The following CSMD1 variants were observed in gnomAD, a reference collection of about 807,000 sequenced individuals.
The protein encoded by CSMD1 is CUB and Sushi multiple domains 1.
In CSMD1, 213 loss-of-function variants were observed where a neutral mutation model predicts 417.5. The observed-to-expected ratio is 0.51, with a 90% CI of 0.46 to 0.57. The LOEUF (loss-of-function observed/expected upper bound fraction) is 0.57, where lower values mean the gene tolerates loss of function less well. CSMD1 is among the 20% of genes least tolerant of loss of function. CSMD1 has a pLI of 0.00. For synonymous variants in CSMD1, 2,862 were observed against 1,736.8 expected (o/e 1.65, Z -16.11); for missense variants, 6,923 against 4,529.7 (o/e 1.53, Z -15.17).
chr8:3,822,597 T>C (rs1171643904), intron 5 of CSMD1, among the ~76,000 whole-genome samples: 1 of 152,188 alleles, frequency 6.6e-6, no homozygotes, highest in Non-Finnish European at 1.5e-5. Context: ...AACTTTTTTC[T>C]CTGGGCACCA....
intron 1 of CSMD1, among the ~76,000 whole-genome samples, chr8:4,722,995 G>A (rs1189832044): frequency 6.6e-6 from 1 of 151,992 alleles, no homozygotes; most frequent in East Asian, 1.9e-4. Flanking sequence ...CTTTACTTGT[G>A]GCATTACAAG....
intron 3 of CSMD1, among the ~76,000 whole-genome samples, chr8:4,250,895 C>G (rs945019143): frequency 6.6e-6 from 1 of 152,138 alleles, no homozygotes; most frequent in East Asian, 1.9e-4. Context: ...GAAAAGAGCA[C>G]CTCTTAAACA....
chr8:4,545,842 C>T lies in CSMD1; in HGVS notation c.302+91500G>A, dbSNP rs117488156. Among the ~76,000 whole-genome samples the T allele has an allele frequency of 1.2e-3, 186 of 152,276 alleles. 9 individuals carry two copies. In the East Asian group the frequency reaches 0.031, roughly 25 times the overall value. On this transcript the variant is annotated intron_variant, in intron 2 of 69. Coordinates refer to ENST00000635120, the MANE Select transcript of CSMD1 (RefSeq NM_033225.6). ...ATCTAGGCCACACAGGAGACAGTTT[C>T]TAGGAAGATCATTTCATCAGGTGTC...
intron 5 of CSMD1, among the ~76,000 whole-genome samples, chr8:3,825,897 A>G (rs190454375): frequency 6.8e-4 from 103 of 152,350 alleles, no homozygotes; most frequent in Middle Eastern, 6.8e-3. Context: ...AGGTATCATG[A>G]CAAAATCAGA....
chr8:4,781,707 T>A (rs1227680418), intron 1 of CSMD1, among the ~76,000 whole-genome samples: 1 of 152,196 alleles, frequency 6.6e-6, no homozygotes, highest in Non-Finnish European at 1.5e-5. Flanking sequence ...GGAGTATATA[T>A]GCACATTTCT....
intron 3 of CSMD1, among the ~76,000 whole-genome samples, chr8:4,186,729 G>A (rs1379111378): frequency 1.3e-5 from 2 of 151,746 alleles, no homozygotes; most frequent in Admixed American, 6.6e-5. Context: ...GCTCACACCT[G>A]TAATCCCAGC....
chr8:3,609,021 G>A (rs985934742), intron 8 of CSMD1, among the ~76,000 whole-genome samples: 3 of 152,076 alleles, frequency 2.0e-5, no homozygotes, highest in Non-Finnish European at 4.4e-5. Context: ...CCTTTCCAGC[G>A]GTCCTGCATA....
chr8:4,188,916 G>T (rs1380626535), intron 3 of CSMD1, among the ~76,000 whole-genome samples: 2 of 152,066 alleles, frequency 1.3e-5, no homozygotes, highest in African/African-American at 2.4e-5. Context: ...TGGCATAGCT[G>T]CTGGGTTTCT....
chr8:4,308,017 G>A (rs574314556), intron 3 of CSMD1, among the ~76,000 whole-genome samples: 4 of 152,242 alleles, frequency 2.6e-5, no homozygotes, highest in South Asian at 2.1e-4. Flanking sequence ...GTGATGGTGG[G>A]CATACTACAG....
chr8:4,149,199 G>C (rs1275221909), intron 3 of CSMD1, among the ~76,000 whole-genome samples: 1 of 152,022 alleles, frequency 6.6e-6, no homozygotes, highest in Non-Finnish European at 1.5e-5. Flanking sequence ...CCTGACCTCA[G>C]GTGATCCGTC....
At chr8:4,780,683 C>T (rs970179814) in intron 1 of CSMD1, among the ~76,000 whole-genome samples, 1 of 152,158 alleles carries the variant, frequency 6.6e-6, no homozygotes, top group Admixed American at 6.5e-5. Context: ...GTGGTATACA[C>T]TGCACCATGT....
At chr8:2,987,992 T>C (rs1465828547) in intron 54 of CSMD1, among the ~76,000 whole-genome samples, 1 of 152,222 alleles carries the variant, frequency 6.6e-6, no homozygotes, top group Non-Finnish European at 1.5e-5. Context: ...ACCCATCACC[T>C]AGGTATTAAG....
At chr8:3,974,765 T>A (rs2130118506) in intron 5 of CSMD1, among the ~76,000 whole-genome samples, 1 of 152,256 alleles carries the variant, frequency 6.6e-6, no homozygotes, top group East Asian at 1.9e-4. Flanking sequence ...CGGAATTCTT[T>A]ACAGTTATTG....
chr8:3,839,105 A>G (rs1419343772), intron 5 of CSMD1, among the ~76,000 whole-genome samples: 1 of 63,872 alleles, frequency 1.6e-5, no homozygotes, highest in Non-Finnish European at 3.4e-5. Context: ...TATAGCCTAT[A>G]TATATAGTCT....
chr8:3,274,537 C>T (rs1311784104), intron 26 of CSMD1, among the ~76,000 whole-genome samples: 1 of 152,060 alleles, frequency 6.6e-6, no homozygotes, highest in Admixed American at 6.6e-5. Flanking sequence ...GTGTTAAAGT[C>T]TCCCATTATT....
chr8:3,511,981 G>C (rs558203319), intron 10 of CSMD1, among the ~76,000 whole-genome samples: 1 of 151,694 alleles, frequency 6.6e-6, no homozygotes, highest in African/African-American at 2.4e-5. Context: ...GTCACAGTGA[G>C]GACTCATGAG....
chr8:3,206,377 CTGTGTGTGTGTA>C (rs1431044813), intron 30 of CSMD1, among the ~76,000 whole-genome samples: 1 of 87,268 alleles, frequency 1.1e-5, no homozygotes, highest in African/African-American at 4.7e-5. Flanking sequence ...GGGGGTATGT[CTGTGTGTGTGTA>C]TGTGTGTGTG....
At chr8:3,369,867 T>C (rs553497229) in intron 18 of CSMD1, among the ~76,000 whole-genome samples, 1 of 152,332 alleles carries the variant, frequency 6.6e-6, no homozygotes, top group East Asian at 1.9e-4. Context: ...ACTCTGATGT[T>C]AGAAAGTTAT....
chr8:3,584,354 A>G (rs1040066222), intron 9 of CSMD1, among the ~76,000 whole-genome samples: 1 of 152,194 alleles, frequency 6.6e-6, no homozygotes, highest in Non-Finnish European at 1.5e-5. Context: ...ACCCTGCGAA[A>G]AAAGTGTTCT....
Sources: gnomAD v4.1 joint callset for allele counts (sites outside exome capture counted in the v4.1 genomes callset) on GRCh38, gnomAD v4.1.1 for gene constraint, MANE v1.5 for transcripts, NCBI Gene and HGNC (gene_info 2026-07-23, HGNC 2026-07-21) for gene names.